The following GEMIN2 variants were observed in gnomAD, a reference collection of about 807,000 sequenced individuals.
GEMIN2 encodes gem-associated protein 2.
A neutral mutation model predicts 45.8 loss-of-function variants in GEMIN2; 37 were observed. That is an observed-to-expected ratio of 0.81 (90% confidence interval 0.62 to 1.06). The LOEUF (loss-of-function observed/expected upper bound fraction) is 1.06, where lower values mean the gene tolerates loss of function less well. Ranked by LOEUF, GEMIN2 falls within the 50% of genes least tolerant of loss-of-function variation. The pLI is 0.00. For missense variants in GEMIN2, 335 were observed against 321.8 expected (o/e 1.04, Z -0.31); for synonymous variants, 101 against 111.5 (o/e 0.91, Z 0.60).
intron 4 of GEMIN2, among the ~76,000 whole-genome samples, chr14:39,121,480 T>C (rs1301436737): frequency 6.6e-6 from 1 of 152,126 alleles, no homozygotes. Context: ...TGCAATGAAC[T>C]GTAATCACAC....
In GEMIN2 at chr14:39,114,876, C is replaced by A; in HGVS notation, c.185C>A (p.Pro62Gln). The A allele has an allele frequency of 6.3e-7, 1 of 1,580,466 alleles. No homozygotes were observed. The highest frequency in any genetic ancestry group is 8.7e-7 in the Non-Finnish European group (1 of 1,149,322). ...GATGTTGTGGTAGCTCAAATTGACC[C>A]AAAGAAGTTGAAAAGGAAGCAAAGT... Reference protein sequence around the residue: ...CPDVVVAQIDPKKLKRKQSVN... With the variant: ...CPDVVVAQIDQKKLKRKQSVN... Residue 62 changes from proline to glutamine, a missense_variant, in exon 2 of 10, where the codon CCA (proline) becomes CAA (glutamine). By Grantham distance (76) the Pro-to-Gln change is moderately conservative. Coordinates refer to ENST00000308317, the MANE Select transcript of GEMIN2 (RefSeq NM_003616.3).
intron 7 of GEMIN2, among the ~76,000 whole-genome samples, chr14:39,129,554 C>G (rs1312535824): frequency 6.6e-6 from 1 of 151,630 alleles, no homozygotes; most frequent in Non-Finnish European, 1.5e-5. Context: ...GCTGGGATTA[C>G]AGGCACCTGC....
chr14:39,129,459 G>T (rs1043785749), intron 7 of GEMIN2, among the ~76,000 whole-genome samples: 1 of 152,036 alleles, frequency 6.6e-6, no homozygotes, highest in Admixed American at 6.6e-5. Context: ...TGTTGCCCAG[G>T]CTGGAGTGCA....
chr14:39,126,038 G>C (rs1435935041), intron 6 of GEMIN2, among the ~76,000 whole-genome samples: 1 of 151,064 alleles, frequency 6.6e-6, no homozygotes, highest in Non-Finnish European at 1.5e-5. Context: ...AAAAAAGAAA[G>C]ATTGAAATAT....
intron 4 of GEMIN2, among the ~76,000 whole-genome samples, chr14:39,121,518 C>T (rs1046340898): frequency 1.3e-5 from 2 of 152,176 alleles, no homozygotes; most frequent in Non-Finnish European, 2.9e-5. Flanking sequence ...GGCGACAGAG[C>T]AAGACCCTGT....
chr14:39,119,404 T>C (rs903586590), intron 4 of GEMIN2, among the ~76,000 whole-genome samples: 2 of 152,198 alleles, frequency 1.3e-5, no homozygotes, highest in African/African-American at 4.8e-5. Context: ...AGTTTAGATA[T>C]AACTTTAAGC....
chr14:39,128,067 CAAAAAA>C (rs1212260025), intron 6 of GEMIN2, among the ~76,000 whole-genome samples: 64 of 10,552 alleles, frequency 6.1e-3, no homozygotes, highest in African/African-American at 0.011. Context: ...GACTCTATCT[CAAAAAA>C]AAAAAAAAAA....
At chr14:39,124,385 A>G (rs1035528944) in intron 5 of GEMIN2, among the ~76,000 whole-genome samples, 1 of 152,140 alleles carries the variant, frequency 6.6e-6, no homozygotes, top group African/African-American at 2.4e-5. Flanking sequence ...TTTATTGGAT[A>G]TACTTAATAA....
At chr14:39,124,729 C>T (rs1222183097) in intron 5 of GEMIN2, among the ~76,000 whole-genome samples, 2 of 151,900 alleles carry the variant, frequency 1.3e-5, no homozygotes, top group Admixed American at 6.6e-5. Flanking sequence ...GCCAAGATCG[C>T]GCCACTACAC....
chr14:39,118,456 A>C (rs1022135592), intron 3 of GEMIN2, 84 bp from the exon 4 acceptor site: 1 of 744,142 alleles, frequency 1.3e-6, no homozygotes, highest in South Asian at 1.5e-5. Context: ...CAAGTTTTAG[A>C]TGGTTACAAT....
At chr14:39,123,708 A>ATATT (rs1555333787) in intron 5 of GEMIN2, among the ~76,000 whole-genome samples, 7 of 37,686 alleles carry the variant, frequency 1.9e-4, no homozygotes, top group South Asian at 1.3e-3. Context: ...ATATATATAT[A>ATATT]TTTTTTTTTT....
intron 2 of GEMIN2, among the ~76,000 whole-genome samples, chr14:39,115,686 A>G (rs1333938812): frequency 6.6e-6 from 1 of 151,344 alleles, no homozygotes; most frequent in Non-Finnish European, 1.5e-5. Flanking sequence ...TGAACTCCTG[A>G]CCTCGTGATG....
intron 5 of GEMIN2, among the ~76,000 whole-genome samples, chr14:39,124,389 TTAA>T (rs573123108): frequency 1.1e-3 from 175 of 152,180 alleles, no homozygotes; most frequent in African/African-American, 3.8e-3. Flanking sequence ...TTGGATATAC[TTAA>T]TAAGTTAGTT....
At chr14:39,117,776 C>A (rs2052527990) in intron 2 of GEMIN2, among the ~76,000 whole-genome samples, 1 of 151,982 alleles carries the variant, frequency 6.6e-6, no homozygotes, top group South Asian at 2.1e-4. Context: ...TTCCAGATTT[C>A]TCTGATTAAG....
Position 39,125,045 on chromosome 14 carries a change from A to G in GEMIN2, c.531+9A>G, listed in dbSNP as rs746017477. 2 of 1,273,584 alleles carry G rather than the reference A, an allele frequency of 1.6e-6. No homozygotes were observed. The highest frequency in any genetic ancestry group is 4.6e-5 in the East Asian group (2 of 43,298). The allele number at this position is 1,273,584 out of a possible 1,614,324, so 78.9% of individuals were successfully genotyped here. On this transcript the variant is annotated intron_variant, in intron 6 of 9. Coordinates refer to ENST00000308317, the MANE Select transcript of GEMIN2 (RefSeq NM_003616.3). ...TTAGCAGAATGAATCAGGTAAAATT[A>G]ATAATAGAGATATATGCATTCTTTT...
At chr14:39,128,484 T>TG in intron 7 of GEMIN2, 136 bp downstream of exon 7, 1 of 343,794 alleles carries the variant, frequency 2.9e-6, no homozygotes, top group Non-Finnish European at 4.9e-6. Flanking sequence ...TTTTTTCTTT[T>TG]CTTTTTTTTT....
chr14:39,119,472 T>C lies in GEMIN2; in HGVS notation c.372+873T>C, dbSNP rs189877339. Among the ~76,000 whole-genome samples the C allele has an allele frequency of 1.1e-4, 17 of 152,364 alleles. No homozygotes were observed. The East Asian group carries it at 3.1e-3, about 28-fold the overall frequency. On this transcript the variant is annotated intron_variant, in intron 4 of 9. Coordinates refer to ENST00000308317, the MANE Select transcript of GEMIN2 (RefSeq NM_003616.3). Reference sequence around the variant, plus strand: ...AAAAAGGAGTTGGAAAGATGATACATTGTCTCAGGACAGTAGTTTTTAACC... The same window carrying C: ...AAAAAGGAGTTGGAAAGATGATACACTGTCTCAGGACAGTAGTTTTTAACC...
At chr14:39,122,358 C>G in intron 4 of GEMIN2, 72 bp from the exon 5 acceptor site, 1 of 753,620 alleles carries the variant, frequency 1.3e-6, no homozygotes, top group South Asian at 1.7e-5. Flanking sequence ...AAGGACTTAA[C>G]TTCTTTTTTT....
intron 5 of GEMIN2, among the ~76,000 whole-genome samples, chr14:39,123,468 A>G (rs2052598976): frequency 6.6e-6 from 1 of 151,900 alleles, no homozygotes. Flanking sequence ...TAATAGAAGT[A>G]TAACATAACT....
Sources: gnomAD v4.1 joint callset for allele counts (sites outside exome capture counted in the v4.1 genomes callset) on GRCh38, gnomAD v4.1.1 for gene constraint, MANE v1.5 for transcripts, NCBI Gene and HGNC (gene_info 2026-07-23, HGNC 2026-07-21) for gene names.